Variants in PTBP2 observed in about 807,000 individuals in gnomAD.
PTBP2 encodes polypyrimidine tract-binding protein 2.
In PTBP2, 13 loss-of-function variants were observed where a neutral mutation model predicts 61.4. That is an observed-to-expected ratio of 0.21 (90% CI 0.14 to 0.34). The LOEUF (loss-of-function observed/expected upper bound fraction) is 0.34. Ranked by LOEUF, PTBP2 falls within the 10% of genes least tolerant of loss-of-function variation. PTBP2 has a pLI of 1.00. For synonymous variants in PTBP2, 215 were observed against 218.5 expected, an observed-to-expected ratio of 0.98 and a Z score of 0.14; for missense variants, 405 against 642.6, an observed-to-expected ratio of 0.63 and a Z score of 4.00.
In PTBP2 at chr1:96,814,150, T is replaced by C. The variant is rs1255951560; in HGVS notation, c.*745T>C. 1 of 152,530 alleles carries C rather than the reference T, an allele frequency of 6.6e-6. No homozygotes were observed. The highest frequency in any genetic ancestry group is 1.5e-5 in the Non-Finnish European group (1 of 67,948). 9.4% of individuals were successfully genotyped at this position (152,530 alleles called of 1,614,324 possible). ...CTTAACCTTTTCGTACACACTCTTG[T>C]GGGACGTATCATATAAATGTCAGCA... is the stretch of plus-strand genomic sequence containing the variant. On this transcript the variant is annotated 3_prime_UTR_variant, in exon 14 of 14. Transcript: ENST00000674951.
chr1:96,741,268 TTTTTG>T (rs1161953906), intron 2 of PTBP2, among the ~76,000 whole-genome samples: 1 of 152,090 alleles, frequency 6.6e-6, no homozygotes, highest in Non-Finnish European at 1.5e-5. Context: ...TTCATTTTTG[TTTTTG>T]TTTTGAGAGA....
At chr1:96,761,995 C>A (rs1424299632) in intron 3 of PTBP2, among the ~76,000 whole-genome samples, 1 of 151,108 alleles carries the variant, frequency 6.6e-6, no homozygotes, top group African/African-American at 2.4e-5. Context: ...TCTTGCACCG[C>A]CCTTAATCCA....
chr1:96,748,972 C>T (rs559262868), intron 2 of PTBP2, among the ~76,000 whole-genome samples: 19 of 152,114 alleles, frequency 1.2e-4, no homozygotes, highest in African/African-American at 3.4e-4. Context: ...AAAAATACTC[C>T]AGTAATTTTT....
chr1:96,761,596 GAAT>G (rs1655878051), intron 3 of PTBP2, among the ~76,000 whole-genome samples: 2 of 152,064 alleles, frequency 1.3e-5, no homozygotes, highest in African/African-American at 4.8e-5. Context: ...GACAAGTTTG[GAAT>G]AATATTAAAG....
At chr1:96,722,178 C>T (rs1243718525) in intron 1 of PTBP2, among the ~76,000 whole-genome samples, 1 of 152,136 alleles carries the variant, frequency 6.6e-6, no homozygotes, top group Non-Finnish European at 1.5e-5. Context: ...CATAACGTCT[C>T]CCCGGTCTGT....
intron 2 of PTBP2, among the ~76,000 whole-genome samples, chr1:96,733,092 A>G (rs1368931165): frequency 6.7e-6 from 1 of 150,224 alleles, no homozygotes; most frequent in East Asian, 2.0e-4. Context: ...TTTGTAGGTG[A>G]GAAATCTGAC....
chr1:96,798,072 T>A (rs1336978483), intron 8 of PTBP2, among the ~76,000 whole-genome samples: 8 of 145,638 alleles, frequency 5.5e-5, no homozygotes, highest in Admixed American at 5.5e-4. Context: ...CGAGACTCTG[T>A]CTCTAAAAAA....
intron 11 of PTBP2, among the ~76,000 whole-genome samples, chr1:96,812,107 T>C (rs1018130441): frequency 6.6e-6 from 1 of 152,212 alleles, no homozygotes; most frequent in East Asian, 1.9e-4. Context: ...ATACTCAACC[T>C]GTACAGACTG....
chr1:96,744,169 A>C (rs540444339), intron 2 of PTBP2, among the ~76,000 whole-genome samples: 3 of 152,290 alleles, frequency 2.0e-5, no homozygotes, highest in Admixed American at 6.5e-5. Flanking sequence ...GGTTGCAGCG[A>C]GCCGAGATTG....
chr1:96,762,363 C>T (rs1161912571), intron 3 of PTBP2, among the ~76,000 whole-genome samples: 1 of 150,716 alleles, frequency 6.6e-6, no homozygotes, highest in Non-Finnish European at 1.5e-5. Context: ...GCGCCCCTCA[C>T]CTCCCGGATG....
At chr1:96,764,481 A>G (rs1007957472) in intron 3 of PTBP2, among the ~76,000 whole-genome samples, 15 of 152,334 alleles carry the variant, frequency 9.8e-5, no homozygotes, top group Middle Eastern at 3.4e-3. Context: ...CTTTAGGTAT[A>G]CATATTTCTG....
chr1:96,793,198 A>G (rs1444599851), intron 8 of PTBP2, among the ~76,000 whole-genome samples: 1 of 152,076 alleles, frequency 6.6e-6, no homozygotes, highest in Non-Finnish European at 1.5e-5. Context: ...ATGCCTCTTT[A>G]TATGTGCAAT....
chr1:96,770,312 G>A (rs1203692918), intron 4 of PTBP2, among the ~76,000 whole-genome samples: 2 of 151,922 alleles, frequency 1.3e-5, no homozygotes, highest in African/African-American at 4.8e-5. Context: ...AGGTTAATCT[G>A]ACATTTAATT....
At chr1:96,801,090 T>C (rs1038514643) in intron 8 of PTBP2, among the ~76,000 whole-genome samples, 1 of 152,114 alleles carries the variant, frequency 6.6e-6, no homozygotes, top group African/African-American at 2.4e-5. Flanking sequence ...AAAAATAAAG[T>C]ATTAACCTTA....
At chr1:96,771,047 A>G (rs1159547820) in intron 5 of PTBP2, 196 bp downstream of exon 5, 3 of 423,936 alleles carry the variant, frequency 7.1e-6, no homozygotes, top group African/African-American at 2.0e-5. Flanking sequence ...CCCCTGGTCA[A>G]ATGTTCTTTT....
At chr1:96,770,639 A>G in intron 4 of PTBP2, 69 bp from the exon 5 acceptor site, 8 of 1,278,084 alleles carry the variant, frequency 6.3e-6, no homozygotes, top group Non-Finnish European at 8.9e-6. Flanking sequence ...AAATCATCTG[A>G]ATAGATTGCT....
In PTBP2 at chr1:96,745,662, G is replaced by A. The variant is rs190850032; in HGVS notation, c.40-5763G>A. On this transcript the variant is annotated intron_variant, in intron 2 of 13. Transcript: ENST00000674951. ...TCAATAATGATTCTAATAAATAGCC[G>A]TATTTTTTGGATAGTTTTATAATAC... 5.3e-3 allele frequency among the ~76,000 whole-genome samples: 807 copies of A among 151,890 alleles called. 11 individuals carry two copies. The highest frequency in any genetic ancestry group is 5.4e-3 in the Non-Finnish European group (367 of 67,982).
At chr1:96,728,061 C>G (rs904258380) in intron 2 of PTBP2, among the ~76,000 whole-genome samples, 1 of 152,064 alleles carries the variant, frequency 6.6e-6, no homozygotes, top group African/African-American at 2.4e-5. Flanking sequence ...GCAATCGTAG[C>G]TCATGATAAC....
chr1:96,763,456 C>T (rs1656268788), intron 3 of PTBP2, among the ~76,000 whole-genome samples: 1 of 150,650 alleles, frequency 6.6e-6, no homozygotes, highest in Non-Finnish European at 1.5e-5. Flanking sequence ...CGCGTGCCTG[C>T]AATAGCAGGC....
Sources: gnomAD v4.1 joint callset for allele counts (sites outside exome capture counted in the v4.1 genomes callset) on GRCh38, gnomAD v4.1.1 for gene constraint, MANE v1.5 for transcripts, NCBI Gene and HGNC (gene_info 2026-07-23, HGNC 2026-07-21) for gene names.